GALK2: variants seen among roughly 807,000 people sequenced by gnomAD.
GALK2 encodes galactokinase 2, also known as N-acetylgalactosamine kinase.
Under a neutral mutation model 52.4 loss-of-function variants are expected in GALK2, and 36 were observed. The observed-to-expected ratio is 0.69, with a 90% CI of 0.53 to 0.91. The LOEUF is 0.91. Among genes scored for constraint, GALK2 ranks in the 40% least tolerant of loss-of-function variants. The pLI, the probability that GALK2 is intolerant of heterozygous loss-of-function variation, is 0.00. For missense variants in GALK2, 579 were observed against 559.1 expected, an observed-to-expected ratio of 1.04 and a Z score of -0.36; for synonymous variants, 176 against 199.1, an observed-to-expected ratio of 0.88 and a Z score of 0.98.
In GALK2 at chr15:49,328,480, G is replaced by GGACTT; in HGVS notation, c.*324_*328dup. 1 of 1,548,276 alleles carries GGACTT rather than the reference G, an allele frequency of 6.5e-7. No homozygotes were observed. The highest frequency in any genetic ancestry group is 2.3e-5 in the East Asian group (1 of 44,154). ...ACTCTTAATACTGATTACATGGATT[G>GGACTT]GACTTGAATTAAATATATTGTTACA... On this transcript the variant is annotated 3_prime_UTR_variant, in exon 10 of 10. Coordinates refer to ENST00000560031, the MANE Select transcript of GALK2 (RefSeq NM_002044.4).
In GALK2 at chr15:49,328,345, T is replaced by G; in HGVS notation, c.*186T>G. On this transcript the variant is annotated 3_prime_UTR_variant, in exon 10 of 10. Transcript: ENST00000560031. ...CTTCATAATGATTCTTTTTCCATCT[T>G]AAAATATGGTTTTACTATTAAGAGC... The G allele has an allele frequency of 7.0e-7, 1 of 1,429,770 alleles. No individual in the cohort carries two copies. Among genetic ancestry groups the G allele is most frequent in the Non-Finnish European group, 9.1e-7 (1 of 1,095,896 alleles). The allele number at this position is 1,429,770 out of a possible 1,614,324, so 88.6% of individuals were successfully genotyped here. A position where few individuals can be genotyped will look rare whatever the true frequency, so the allele number is the denominator to read the frequency against.
intron 2 of GALK2, among the ~76,000 whole-genome samples, chr15:49,205,192 G>A (rs751009720): frequency 2.4e-4 from 37 of 152,036 alleles, no homozygotes; most frequent in South Asian, 4.1e-4. Flanking sequence ...ATAAACATGC[G>A]CGTGCACATA....
chr15:49,276,970 CTT>C (rs1233754984), intron 5 of GALK2, among the ~76,000 whole-genome samples: 1 of 28,324 alleles, frequency 3.5e-5, no homozygotes, highest in Non-Finnish European at 6.8e-5. Context: ...TTTTTCTTTT[CTT>C]TTTTTTTTTT....
At chr15:49,308,771 TAAAC>T (rs2035751528) in intron 8 of GALK2, among the ~76,000 whole-genome samples, 1 of 152,180 alleles carries the variant, frequency 6.6e-6, no homozygotes, top group Non-Finnish European at 1.5e-5. Flanking sequence ...TTTGGAAGAA[TAAAC>T]AGGTGAAGGA....
At position 49,328,273 on chromosome 15, in the gene GALK2, A is replaced by G. The variant is rs776952706; in HGVS notation, c.*114A>G. The G allele has an allele frequency of 1.5e-5, 22 of 1,449,036 alleles. No individual in the cohort carries two copies. The highest frequency in any genetic ancestry group is 1.8e-5 in the Non-Finnish European group (20 of 1,101,826). 89.8% of individuals were successfully genotyped at this position (1,449,036 alleles called of 1,614,324 possible). Reference sequence around the variant, plus strand: ...TTTTGTATTATGATGAACGGTTGCTATTATATCAAGATATATTTTCAAAGA... The same window carrying G: ...TTTTGTATTATGATGAACGGTTGCTGTTATATCAAGATATATTTTCAAAGA... On this transcript the variant is annotated 3_prime_UTR_variant, in exon 10 of 10. Coordinates refer to ENST00000560031, the MANE Select transcript of GALK2 (RefSeq NM_002044.4).
chr15:49,205,597 A>T (rs2088212334), intron 2 of GALK2, among the ~76,000 whole-genome samples: 1 of 151,532 alleles, frequency 6.6e-6, no homozygotes. Context: ...TTTCTTACTG[A>T]TTTGTTTGAG....
intron 3 of GALK2, among the ~76,000 whole-genome samples, chr15:49,340,390 G>A (rs892002817): frequency 4.1e-5 from 6 of 146,692 alleles, no homozygotes; most frequent in African/African-American, 1.5e-4. Flanking sequence ...CTTCCTGGGT[G>A]AGGCAGTGCC....
At position 49,319,788 on chromosome 15, in the gene GALK2, G is replaced by C; in HGVS notation, c.1152G>C (p.Gln384His). 6.2e-7 allele frequency: 1 copy of C among 1,613,782 alleles called. No homozygotes were observed. Among genetic ancestry groups the C allele is most frequent in the Non-Finnish European group, 8.5e-7 (1 of 1,179,972 alleles). The change falls in exon 9 of 10, where the codon CAG becomes CAC. Residue 384 changes from glutamine to histidine, a missense_variant. Coordinates refer to ENST00000560031, the MANE Select transcript of GALK2 (RefSeq NM_002044.4). Reference sequence around the variant, plus strand: ...AGTGCAGCTGCCCCGAGCTGGATCAGCTGGTGGACATCTGTCGGTGAGGCA... The same window carrying C: ...AGTGCAGCTGCCCCGAGCTGGATCACCTGGTGGACATCTGTCGGTGAGGCA... ...MYECSCPELD[Q>H]LVDICRKFGA...
At chr15:49,283,765 T>A in intron 7 of GALK2, 47 bp downstream of exon 7, 1 of 1,593,406 alleles carries the variant, frequency 6.3e-7, no homozygotes, top group Non-Finnish European at 8.6e-7. Context: ...GTTTTTCTTG[T>A]CTTTATTTTC....
intron 5 of GALK2, among the ~76,000 whole-genome samples, chr15:49,255,691 T>A (rs960811060): frequency 2.0e-5 from 3 of 152,118 alleles, no homozygotes; most frequent in African/African-American, 4.8e-5. Flanking sequence ...TGCCATAGTT[T>A]AGGTATGTCA....
upstream of GALK2, among the ~76,000 whole-genome samples, chr15:49,166,196 A>G (rs1218248894): frequency 6.6e-6 from 1 of 152,174 alleles, no homozygotes; most frequent in African/African-American, 2.4e-5. Context: ...AAGTAATTAG[A>G]GTACTGATGT....
chr15:49,250,044 G>A (rs530963097), intron 5 of GALK2, among the ~76,000 whole-genome samples: 83 of 152,276 alleles, frequency 5.5e-4, no homozygotes, highest in African/African-American at 1.9e-3. Context: ...GGGTGGACGC[G>A]TCAGGTTATA....
chr15:49,364,420 T>C (rs1596567081), intron 3 of GALK2, among the ~76,000 whole-genome samples: 1 of 152,204 alleles, frequency 6.6e-6, no homozygotes, highest in African/African-American at 2.4e-5. Context: ...ATAGTAGTCT[T>C]GGAGGTTGTT....
chr15:49,235,906 C>G lies in GALK2; in HGVS notation c.322C>G (p.His108Asp), dbSNP rs1775870555. 1.9e-6 allele frequency: 3 copies of G among 1,613,246 alleles called. No individual in the cohort carries two copies. Among genetic ancestry groups the G allele is most frequent in the Non-Finnish European group, 2.5e-6 (3 of 1,179,304 alleles). The change falls in exon 4 of 10, where the codon CAC becomes GAC. Residue 108 changes from histidine to aspartate, a missense_variant. His to Asp is a moderately conservative substitution (Grantham distance 81, BLOSUM62 -1). Coordinates refer to ENST00000560031, the MANE Select transcript of GALK2 (RefSeq NM_002044.4). Reference sequence around the variant, plus strand: ...GATTGATAAAACCAAGCCTTTGTGGCACAACTATTTCTTATGTGGACTTAA... The same window carrying G: ...GATTGATAAAACCAAGCCTTTGTGGGACAACTATTTCTTATGTGGACTTAA... The part of the protein sequence containing the change: ...IQIDKTKPLW[H>D]NYFLCGLKGI...
At chr15:49,303,623 T>G (rs898019708) in intron 8 of GALK2, among the ~76,000 whole-genome samples, 3 of 152,228 alleles carry the variant, frequency 2.0e-5, no homozygotes, top group Non-Finnish European at 4.4e-5. Context: ...TGTATGTACC[T>G]GGTTTCCTGA....
chr15:49,241,290 C>A (rs1324643524), intron 5 of GALK2, among the ~76,000 whole-genome samples: 1 of 151,978 alleles, frequency 6.6e-6, no homozygotes, highest in Non-Finnish European at 1.5e-5. Flanking sequence ...AGGAGTGGAT[C>A]AAGATACCTG....
rs2038170415 is a variant in GALK2, at chr15:49,329,412, A to C, written c.*1253A>C. On this transcript the variant is annotated 3_prime_UTR_variant, in exon 10 of 10. Coordinates refer to ENST00000560031, the MANE Select transcript of GALK2 (RefSeq NM_002044.4). Reference sequence around the variant, plus strand: ...AATGGTTTTATGGCATGAATTATCCAAAAAAATATCAGAATTACTTATTAT... The same window carrying C: ...AATGGTTTTATGGCATGAATTATCCCAAAAAATATCAGAATTACTTATTAT... 1 of 984,826 alleles carries C rather than the reference A, an allele frequency of 1.0e-6. No individual in the cohort carries two copies. The highest frequency in any genetic ancestry group is 1.2e-6 in the Non-Finnish European group (1 of 829,498). 61.0% of individuals were successfully genotyped at this position (984,826 alleles called of 1,614,324 possible). A position where few individuals can be genotyped will look rare whatever the true frequency, so the allele number is the denominator to read the frequency against.
chr15:49,346,965 G>T (rs978855467), intron 3 of GALK2, among the ~76,000 whole-genome samples: 5 of 152,118 alleles, frequency 3.3e-5, no homozygotes, highest in African/African-American at 1.2e-4. Context: ...CAACATCCAT[G>T]TATCAAAAAC....
At chr15:49,342,742 G>C (rs1394794496) in intron 3 of GALK2, among the ~76,000 whole-genome samples, 1 of 152,068 alleles carries the variant, frequency 6.6e-6, no homozygotes, top group East Asian at 1.9e-4. Flanking sequence ...AATTCCCTTA[G>C]TGCTTGCGTG....
Sources: allele counts gnomAD v4.1 joint callset (sites outside exome capture counted in the v4.1 genomes callset), GRCh38; gene constraint gnomAD v4.1.1; transcripts MANE v1.5; gene names NCBI Gene and HGNC (gene_info 2026-07-23, HGNC 2026-07-21).